TMCO5A: variants seen among roughly 807,000 people sequenced by gnomAD.
TMCO5A encodes the protein transmembrane and coiled-coil domains 5A, also known as transmembrane and coiled-coil domain-containing protein 5A.
In TMCO5A, 34 loss-of-function variants were observed where a neutral mutation model predicts 42.3. The observed-to-expected ratio is 0.80, with a 90% CI of 0.61 to 1.07. TMCO5A has a LOEUF of 1.07. TMCO5A is among the 50% of genes least tolerant of loss of function. TMCO5A has a pLI of 0.00. For synonymous variants in TMCO5A, 131 were observed against 115.6 expected, an observed-to-expected ratio of 1.13 and a Z score of -0.86; for missense variants, 357 against 327.9, an observed-to-expected ratio of 1.09 and a Z score of -0.69.
the TMCO5A span, among the ~76,000 whole-genome samples, chr15:37,998,015 T>C: frequency 4.6e-5 from 7 of 152,222 alleles, no homozygotes; most frequent in African/African-American, 1.7e-4. Flanking sequence ...GAAATGTTTA[T>C]TCATATATTT....
the TMCO5A span, among the ~76,000 whole-genome samples, chr15:37,985,937 C>A: frequency 6.6e-6 from 1 of 151,818 alleles, no homozygotes; most frequent in Non-Finnish European, 1.5e-5. Context: ...TGGTTGGAAC[C>A]TTTCCACTCA....
At chr15:37,996,167 T>C in the TMCO5A span, among the ~76,000 whole-genome samples, 468 of 152,152 alleles carry the variant, frequency 3.1e-3, 1 homozygote, top group Non-Finnish European at 4.5e-3. Flanking sequence ...GGCGTAAGAG[T>C]GATTCATGCT....
chr15:38,040,728 T>C, the TMCO5A span: 3 of 152,210 alleles, frequency 2.0e-5, no homozygotes, highest in Non-Finnish European at 2.9e-5. Flanking sequence ...ATTCCATTTA[T>C]ACAAAATGTC....
At chr15:38,024,726 C>T in the TMCO5A span, 1 of 152,174 alleles carries the variant, frequency 6.6e-6, no homozygotes, top group Non-Finnish European at 1.5e-5. Context: ...CCGAAGGCCT[C>T]ACATAGAGAG....
the TMCO5A span, among the ~76,000 whole-genome samples, chr15:37,996,832 G>A: frequency 1.3e-5 from 2 of 152,090 alleles, no homozygotes; most frequent in Non-Finnish European, 2.9e-5. Context: ...CCTGTGATTT[G>A]GGAACTAGCA....
At chr15:37,941,761 G>A in intron 8 of TMCO5A, 31 bp downstream of exon 8, 1 of 1,531,632 alleles carries the variant, frequency 6.5e-7, no homozygotes, top group Non-Finnish European at 9.0e-7. Context: ...GATAGCAAAG[G>A]GTTTATTAAG....
chr15:37,983,648 A>C, the TMCO5A span, among the ~76,000 whole-genome samples: 3 of 152,138 alleles, frequency 2.0e-5, no homozygotes, highest in African/African-American at 7.2e-5. Context: ...CTTTCCCAAG[A>C]TCACACAATT....
chr15:38,027,091 C>A, the TMCO5A span, among the ~76,000 whole-genome samples: 3,331 of 152,234 alleles, frequency 0.022, 148 homozygotes, highest in African/African-American at 0.076. Context: ...TGGGGCACTG[C>A]CTAGTGGAGC....
the TMCO5A span, among the ~76,000 whole-genome samples, chr15:38,011,759 C>T: frequency 6.6e-6 from 1 of 152,144 alleles, no homozygotes; most frequent in Non-Finnish European, 1.5e-5. Context: ...TATGGTTTTA[C>T]ATTTGCTTCC....
At chr15:38,028,124 T>G in the TMCO5A span, among the ~76,000 whole-genome samples, 1 of 150,792 alleles carries the variant, frequency 6.6e-6, no homozygotes, top group Non-Finnish European at 1.5e-5. Flanking sequence ...AACCGCAAAT[T>G]AAGAAAATTG....
At chr15:37,982,358 T>C in the TMCO5A span, among the ~76,000 whole-genome samples, 3 of 151,486 alleles carry the variant, frequency 2.0e-5, no homozygotes, top group Non-Finnish European at 4.4e-5. Context: ...CAGAGATAGA[T>C]CTCACTCCAC....
rs181516668 is a variant in TMCO5A, at chr15:37,961,731, C to A, written c.669-4894C>A. On this transcript the variant is annotated intron_variant, in intron 11 of 11. Transcript: ENST00000559502. ...CTTTCAGCAGTGTTTTTCAGTTTTTCTTGTAGAGGTCTTTCACCTCCTTGT... is the reference window on the plus strand; with the variant it reads ...CTTTCAGCAGTGTTTTTCAGTTTTTATTGTAGAGGTCTTTCACCTCCTTGT... Among the ~76,000 whole-genome samples, 5 of 152,060 alleles carry A rather than the reference C, an allele frequency of 3.3e-5. No homozygotes were observed. The East Asian group carries it at 9.7e-4, about 29-fold the overall frequency.
chr15:37,966,521 A>C lies in TMCO5A; in HGVS notation c.669-104A>C. 4.3e-6 allele frequency: 3 copies of C among 699,026 alleles called. No individual in the cohort carries two copies. The South Asian group carries it at 4.5e-5, about 10-fold the overall frequency. 43.3% of individuals were successfully genotyped at this position (699,026 alleles called of 1,614,324 possible). Reference sequence around the variant, plus strand: ...ATACACACCTACTATGTACCCACAAAATTTTTTTCAGTGCGTGAATAGACT... The same window carrying C: ...ATACACACCTACTATGTACCCACAACATTTTTTTCAGTGCGTGAATAGACT... On this transcript the variant is annotated intron_variant, in intron 11 of 11. Coordinates refer to the TMCO5A transcript ENST00000559502.
the TMCO5A span, among the ~76,000 whole-genome samples, chr15:38,019,141 T>A: frequency 6.6e-6 from 1 of 152,116 alleles, no homozygotes; most frequent in Non-Finnish European, 1.5e-5. Context: ...AAGAGGAAGA[T>A]GTGAAACTAA....
chr15:37,962,326 GTGGCATA>G (rs2140816524), intron 11 of TMCO5A, among the ~76,000 whole-genome samples: 1 of 152,152 alleles, frequency 6.6e-6, no homozygotes, highest in Admixed American at 6.6e-5. Context: ...TTCTGTTTAT[GTGGCATA>G]TAACCTTTAT....
At chr15:37,955,143 C>T (rs1330755923), downstream of TMCO5A, among the ~76,000 whole-genome samples, 1 of 150,692 alleles carries the variant, frequency 6.6e-6, no homozygotes, top group African/African-American at 2.4e-5. Flanking sequence ...AATCAAAGGA[C>T]ATAGACTGGC....
chr15:37,940,146 A>G (rs767539538), intron 6 of TMCO5A, among the ~76,000 whole-genome samples: 1 of 152,086 alleles, frequency 6.6e-6, no homozygotes, highest in African/African-American at 2.4e-5. Flanking sequence ...TTTTCCAGAC[A>G]CAGAAAAGGC....
chr15:37,971,965 C>A (rs1335828347), downstream of TMCO5A, among the ~76,000 whole-genome samples: 1 of 152,208 alleles, frequency 6.6e-6, no homozygotes, highest in Non-Finnish European at 1.5e-5. Context: ...ACTGTTCCAA[C>A]CTCTGCCTGT....
At chr15:37,976,830 G>C in the TMCO5A span, among the ~76,000 whole-genome samples, 5 of 112,632 alleles carry the variant, frequency 4.4e-5, no homozygotes, top group East Asian at 1.3e-3. Flanking sequence ...GTCTCACTCT[G>C]TTGCCCAGGC....
Sources: allele counts gnomAD v4.1 joint callset (sites outside exome capture counted in the v4.1 genomes callset), GRCh38; gene constraint gnomAD v4.1.1; transcripts MANE v1.5; gene names NCBI Gene and HGNC (gene_info 2026-07-23, HGNC 2026-07-21).